NCAM2: variants seen among roughly 807,000 people sequenced by gnomAD.
NCAM2 encodes neural cell adhesion molecule 2.
In NCAM2, 30 loss-of-function variants were observed where a neutral mutation model predicts 98.1. That is an observed-to-expected ratio of 0.31 (90% CI 0.23 to 0.41). NCAM2 has a LOEUF of 0.41. NCAM2 is among the 10% of genes least tolerant of loss of function. The pLI is 1.00. For synonymous variants in NCAM2, 368 were observed against 342.4 expected (o/e 1.07, Z -0.83); for missense variants, 867 against 1,005.8 (o/e 0.86, Z 1.87).
At chr21:21,089,262 C>A (rs1423725505) in intron 1 of NCAM2, among the ~76,000 whole-genome samples, 1 of 151,980 alleles carries the variant, frequency 6.6e-6, no homozygotes, top group Non-Finnish European at 1.5e-5. Context: ...AATAAAACTG[C>A]CTTTAAAATT....
intron 1 of NCAM2, among the ~76,000 whole-genome samples, chr21:21,107,316 G>A (rs998106842): frequency 6.6e-6 from 1 of 151,924 alleles, no homozygotes; most frequent in African/African-American, 2.4e-5. Context: ...TCTAGTAAAT[G>A]GTGGTGCAAA....
chr21:21,092,120 A>AT (rs2066025488), intron 1 of NCAM2, among the ~76,000 whole-genome samples: 5 of 152,088 alleles, frequency 3.3e-5, no homozygotes, highest in Admixed American at 1.3e-4. Flanking sequence ...GTGATACATG[A>AT]AGAAATTGCC....
intron 1 of NCAM2, among the ~76,000 whole-genome samples, chr21:21,087,075 TGTGC>T (rs2065919742): frequency 2.0e-5 from 3 of 150,416 alleles, no homozygotes; most frequent in African/African-American, 7.4e-5. Context: ...TATGTGTGTG[TGTGC>T]GTGTGTGTGT....
chr21:21,142,377 G>GTTTTTTT (rs10686568), intron 1 of NCAM2, among the ~76,000 whole-genome samples: 14 of 107,172 alleles, frequency 1.3e-4, no homozygotes, highest in Non-Finnish European at 1.5e-4. Context: ...TTTTTTTTAT[G>GTTTTTTT]TTTTTTTTTT....
At chr21:21,467,584 A>T (rs1025438136) in intron 13 of NCAM2, among the ~76,000 whole-genome samples, 3 of 151,646 alleles carry the variant, frequency 2.0e-5, no homozygotes, top group Non-Finnish European at 4.4e-5. Flanking sequence ...GGTGGCTTAC[A>T]CCTGTAATCC....
At chr21:21,365,437 A>G (rs2075761757) in intron 8 of NCAM2, among the ~76,000 whole-genome samples, 1 of 152,064 alleles carries the variant, frequency 6.6e-6, no homozygotes, top group Non-Finnish European at 1.5e-5. Context: ...TTAATGTCTC[A>G]GAAGAGAGAC....
chr21:21,433,362 G>T (rs936135290), intron 12 of NCAM2, among the ~76,000 whole-genome samples: 1 of 152,070 alleles, frequency 6.6e-6, no homozygotes, highest in African/African-American at 2.4e-5. Context: ...TGAGACGAAG[G>T]ACTATAGTTT....
Position 21,364,242 on chromosome 21 carries a change from C to T in NCAM2, c.1045-9621C>T, listed in dbSNP as rs182840370. 3.6e-3 allele frequency among the ~76,000 whole-genome samples: 544 copies of T among 151,754 alleles called. 3 individuals are homozygous for T. The highest frequency in any genetic ancestry group is 6.8e-3 in the Middle Eastern group (2 of 294). ...CTTTCATGTTCTGTATAAAATATTT[C>T]CAATAAATATAGGCATATTTATTTA... On this transcript the variant is annotated intron_variant, in intron 8 of 17. Coordinates refer to ENST00000400546, the MANE Select transcript of NCAM2 (RefSeq NM_004540.5).
chr21:21,272,934 T>TCACACACAAACACACA (rs2072576883), intron 1 of NCAM2, among the ~76,000 whole-genome samples: 2 of 124,872 alleles, frequency 1.6e-5, no homozygotes, highest in South Asian at 6.0e-4. Flanking sequence ...GGACATGCAT[T>TCACACACAAACACACA]CACACACACA....
chr21:21,113,745 T>G (rs1192776107), intron 1 of NCAM2, among the ~76,000 whole-genome samples: 3 of 152,204 alleles, frequency 2.0e-5, no homozygotes, highest in Admixed American at 6.5e-5. Flanking sequence ...AGAACTATTT[T>G]GTATTGTAAA....
intron 12 of NCAM2, among the ~76,000 whole-genome samples, chr21:21,459,851 A>G (rs903191884): frequency 3.3e-5 from 5 of 151,880 alleles, no homozygotes; most frequent in Admixed American, 6.6e-5. Flanking sequence ...TTAATGATAC[A>G]TATGGATATG....
chr21:21,354,902 A>T (rs568019046), intron 8 of NCAM2, among the ~76,000 whole-genome samples: 3 of 152,268 alleles, frequency 2.0e-5, no homozygotes, highest in African/African-American at 7.2e-5. Flanking sequence ...TTTAAAAGCA[A>T]TTTCTTCCCT....
At chr21:21,156,874 A>G (rs889497240) in intron 1 of NCAM2, among the ~76,000 whole-genome samples, 2 of 152,078 alleles carry the variant, frequency 1.3e-5, no homozygotes, top group Non-Finnish European at 2.9e-5. Context: ...AAAAGATGAC[A>G]TGTGTTCTAA....
intron 1 of NCAM2, among the ~76,000 whole-genome samples, chr21:21,200,925 G>A (rs2069196169): frequency 6.6e-6 from 1 of 151,954 alleles, no homozygotes; most frequent in Admixed American, 6.6e-5. Context: ...GTGATAATAT[G>A]TGTATAGATC....
chr21:21,033,265 A>G (rs1432432499), intron 1 of NCAM2, among the ~76,000 whole-genome samples: 1 of 152,168 alleles, frequency 6.6e-6, no homozygotes, highest in African/African-American at 2.4e-5. Context: ...TTGGTTTCAT[A>G]CAAGACGAAC....
chr21:21,477,568 C>A, intron 15 of NCAM2, 97 bp downstream of exon 15: 3 of 980,410 alleles, frequency 3.1e-6, no homozygotes, highest in Non-Finnish European at 2.8e-6. Context: ...TTAAAACAAA[C>A]TGAAATGTAA....
chr21:21,130,544 T>C (rs182166764), intron 1 of NCAM2, among the ~76,000 whole-genome samples: 1 of 152,136 alleles, frequency 6.6e-6, no homozygotes, highest in Admixed American at 6.5e-5. Context: ...GAAGTATATA[T>C]AATTACACTA....
Position 21,410,466 on chromosome 21 carries a change from G to C in NCAM2, c.1383+5G>C, listed in dbSNP as rs767041389. 1 of 1,495,732 alleles carries C rather than the reference G, an allele frequency of 6.7e-7. No individual in the cohort carries two copies. The highest frequency in any genetic ancestry group is 9.0e-7 in the Non-Finnish European group (1 of 1,111,572). The allele number at this position is 1,495,732 out of a possible 1,614,324, so 92.7% of individuals were successfully genotyped here. A position where few individuals can be genotyped will look rare whatever the true frequency, so the allele number is the denominator to read the frequency against. Reference sequence around the variant, plus strand: ...GGAAGAAAGATGATATTAGAGGTAAGTCCACATGTATACATCAATAAATTG... The same window carrying C: ...GGAAGAAAGATGATATTAGAGGTAACTCCACATGTATACATCAATAAATTG... On this transcript the variant is annotated splice_donor_5th_base_variant and intron_variant, in intron 10 of 17. Coordinates refer to ENST00000400546, the MANE Select transcript of NCAM2 (RefSeq NM_004540.5).
chr21:21,222,538 T>G (rs1278296897), intron 1 of NCAM2, among the ~76,000 whole-genome samples: 4 of 152,084 alleles, frequency 2.6e-5, no homozygotes, highest in Admixed American at 2.0e-4. Flanking sequence ...GGTTCCAAAT[T>G]ATCAGTCAGA....
Sources: gnomAD v4.1 joint callset for allele counts (sites outside exome capture counted in the v4.1 genomes callset) on GRCh38, gnomAD v4.1.1 for gene constraint, MANE v1.5 for transcripts, NCBI Gene and HGNC (gene_info 2026-07-23, HGNC 2026-07-21) for gene names.